ZNF81: variants seen among roughly 807,000 people sequenced by gnomAD.
ZNF81 encodes zinc finger protein 81, also known as zinc finger protein 81 (HFZ20).
Under a neutral mutation model 32.3 loss-of-function variants are expected in ZNF81, and 5 were observed. The ratio of observed to expected loss-of-function variants is 0.15; its 90% confidence interval spans 0.08 to 0.33. ZNF81 has a LOEUF of 0.33. Among genes scored for constraint, ZNF81 ranks in the 10% least tolerant of loss-of-function variants. ZNF81 has a pLI of 1.00. For missense variants in ZNF81, 379 were observed against 479.8 expected (o/e 0.79, Z 1.96); for synonymous variants, 163 against 166.8 (o/e 0.98, Z 0.17).
rs781875642 is a variant in ZNF81 at position 47,925,481 on chromosome X, C to A, written c.*8849C>A. Reference sequence around the variant, plus strand: ...TGAGATTCATTCATGTTGTTATATGCGTCTATGTTCATTCCTTTTTATTGC... The same window carrying A: ...TGAGATTCATTCATGTTGTTATATGAGTCTATGTTCATTCCTTTTTATTGC... On this transcript the variant is annotated 3_prime_UTR_variant, in exon 5 of 5. Transcript: ENST00000338637. Among the ~76,000 whole-genome samples the A allele has an allele frequency of 1.8e-5, 2 of 112,109 alleles. No individual in the cohort carries two copies. Among genetic ancestry groups the A allele is most frequent in the African/African-American group, 6.5e-5 (2 of 30,917 alleles).
chrX:47,903,041 G>T (rs782801569), intron 4 of ZNF81, among the ~76,000 whole-genome samples: 1 of 111,454 alleles, frequency 9.0e-6, no homozygotes, highest in Admixed American at 9.5e-5. Context: ...AATAAATTAC[G>T]TATTGATGGG....
intron 3 of ZNF81, 151 bp downstream of exon 3, chrX:47,888,276 T>A: frequency 3.7e-6 from 3 of 816,613 alleles, no homozygotes; most frequent in Non-Finnish European, 3.5e-6. Flanking sequence ...CAAGCTAAAA[T>A]GAGATCATTA....
At chrX:47,876,070 T>C (rs782701405) in intron 2 of ZNF81, among the ~76,000 whole-genome samples, 38 of 112,050 alleles carry the variant, frequency 3.4e-4, no homozygotes, top group African/African-American at 1.2e-3. Context: ...TAGTTACAAC[T>C]TAGAGCCTGG....
chrX:47,868,421 G>A (rs2058567988), intron 2 of ZNF81, among the ~76,000 whole-genome samples: 1 of 111,458 alleles, frequency 9.0e-6, no homozygotes, highest in African/African-American at 3.3e-5. Context: ...CTGTGATTCT[G>A]AACTAGTGAT....
intron 4 of ZNF81, among the ~76,000 whole-genome samples, chrX:47,900,303 T>A (rs1193379273): frequency 9.0e-6 from 1 of 111,462 alleles, no homozygotes; most frequent in Non-Finnish European, 1.9e-5. Context: ...GACCCATTAA[T>A]ATATAGACAA....
intron 3 of ZNF81, among the ~76,000 whole-genome samples, chrX:47,892,655 G>T (rs1263090179): frequency 8.9e-6 from 1 of 112,203 alleles, no homozygotes; most frequent in Non-Finnish European, 1.9e-5. Context: ...TGCTTAGTGG[G>T]CCCATACCAA....
chrX:47,889,120 T>C (rs1021745236), intron 3 of ZNF81, among the ~76,000 whole-genome samples: 1 of 111,349 alleles, frequency 9.0e-6, no homozygotes. Flanking sequence ...ATGTGGAAAA[T>C]TTTCAGCCTA....
At chrX:47,891,476 G>T (rs2058662027) in intron 3 of ZNF81, among the ~76,000 whole-genome samples, 1 of 112,304 alleles carries the variant, frequency 8.9e-6, no homozygotes, top group Non-Finnish European at 1.9e-5. Flanking sequence ...TATTGCTTTT[G>T]GTTTACTATT....
chrX:47,888,020 G>A lies in ZNF81; in HGVS notation c.76G>A (p.Val26Met). 1 of 1,211,396 alleles carries A rather than the reference G, an allele frequency of 8.3e-7. No homozygotes were observed. The highest frequency in any genetic ancestry group is 3.0e-5 in the East Asian group (1 of 33,830). ...ACEVSVSFED[V>M]TVDFSREEWQ... Reference sequence around the variant, plus strand: ...ACAGGTATCAGTGTCATTTGAGGATGTGACTGTGGACTTCAGTAGAGAGGA... The same window carrying A: ...ACAGGTATCAGTGTCATTTGAGGATATGACTGTGGACTTCAGTAGAGAGGA... The change falls in exon 3 of 5, where the codon GTG becomes ATG. Residue 26 changes from valine (V) to methionine (M), a missense_variant. By Grantham distance (21) the Val-to-Met change is conservative. This residue lies in a region of ZNF81 where 277 missense variants were observed against 306.6 expected (regional missense o/e 0.90). Transcript: ENST00000338637.
chrX:47,891,837 T>C (rs1353611566), intron 3 of ZNF81, among the ~76,000 whole-genome samples: 2 of 112,092 alleles, frequency 1.8e-5, no homozygotes, highest in Non-Finnish European at 3.8e-5. Flanking sequence ...TACATAGTTA[T>C]CTTGATAAAA....
chrX:47,850,758 TTAA>T (rs781905213), intron 2 of ZNF81, among the ~76,000 whole-genome samples: 63 of 109,353 alleles, frequency 5.8e-4, no homozygotes, highest in African/African-American at 2.0e-3. Flanking sequence ...AATATTATAT[TTAA>T]TAATAATAAT....
At chrX:47,908,631 T>A (rs1293297191) in intron 4 of ZNF81, among the ~76,000 whole-genome samples, 2 of 112,134 alleles carry the variant, frequency 1.8e-5, no homozygotes, top group East Asian at 5.5e-4. Context: ...TTGAAACCAC[T>A]CAAATGTCCA....
intron 3 of ZNF81, among the ~76,000 whole-genome samples, chrX:47,892,020 G>T (rs1449751513): frequency 9.0e-6 from 1 of 111,200 alleles, no homozygotes; most frequent in Non-Finnish European, 1.9e-5. Context: ...CTGTGACTTT[G>T]TGCTTTTATG....
Position 47,873,090 on chromosome X carries a change from G to A in ZNF81, c.55-14909G>A, listed in dbSNP as rs187136540. ...CACTCCATCTGGAGTAGAGAATATG[G>A]TAGCCTTTATTTTGCACAGCAAATC... On this transcript the variant is annotated intron_variant, in intron 2 of 4. Transcript: ENST00000338637. Among the ~76,000 whole-genome samples, 556 of 111,626 alleles carry A rather than the reference G, an allele frequency of 5.0e-3. 1 individual carries two copies. The highest frequency in any genetic ancestry group is 8.6e-3 in the Non-Finnish European group (458 of 53,170).
intron 4 of ZNF81, among the ~76,000 whole-genome samples, chrX:47,898,997 G>T (rs184532599): frequency 0.014 from 1,603 of 111,465 alleles, 12 homozygotes; most frequent in Middle Eastern, 0.037. Flanking sequence ...TAGTTTTCTT[G>T]TAAGTTCCTC....
intron 2 of ZNF81, among the ~76,000 whole-genome samples, chrX:47,862,259 G>A (rs1382311179): frequency 1.8e-5 from 2 of 110,937 alleles, no homozygotes; most frequent in Non-Finnish European, 3.8e-5. Flanking sequence ...CGGGTGCGGT[G>A]GCTCATGCCT....
intron 2 of ZNF81, among the ~76,000 whole-genome samples, chrX:47,879,630 T>C: frequency 8.9e-6 from 1 of 112,208 alleles, no homozygotes; most frequent in Middle Eastern, 4.6e-3. Context: ...AATCTGCCTC[T>C]CCTTTGTCCT....
intron 2 of ZNF81, among the ~76,000 whole-genome samples, chrX:47,883,041 G>A (rs1168512505): frequency 3.6e-5 from 4 of 112,522 alleles, no homozygotes; most frequent in Non-Finnish European, 7.5e-5. Flanking sequence ...TTTCCAAAGT[G>A]ATGGCTTGGT....
chrX:47,861,633 C>T lies in ZNF81; in HGVS notation c.54+15312C>T, dbSNP rs185191502. On this transcript the variant is annotated intron_variant, in intron 2 of 4. Coordinates refer to ENST00000338637, the MANE Select transcript of ZNF81 (RefSeq NM_007137.5). ...AATACTGGGCCAATACCAGCAACACCGGGCCAATCCCCAGTATTTTCCTCA... is the reference window on the plus strand; with the variant it reads ...AATACTGGGCCAATACCAGCAACACTGGGCCAATCCCCAGTATTTTCCTCA... 1.3e-4 allele frequency among the ~76,000 whole-genome samples: 14 copies of T among 111,921 alleles called. 1 individual carries two copies. In the East Asian group the frequency reaches 3.4e-3, roughly 27 times the overall value.
Sources: gnomAD v4.1 joint callset for allele counts (sites outside exome capture counted in the v4.1 genomes callset) on GRCh38, gnomAD v4.1.1 for gene constraint, gnomAD v4.1.1 regional missense constraint, MANE v1.5 for transcripts, NCBI Gene and HGNC (gene_info 2026-07-23, HGNC 2026-07-21) for gene names.